The following GPM6A variants were observed in gnomAD, a reference collection of about 807,000 sequenced individuals.
GPM6A encodes neuronal membrane glycoprotein M6-a.
GPM6A carries 7 observed loss-of-function variants against 32.1 expected under a neutral mutation model. The ratio of observed to expected loss-of-function variants is 0.22; its 90% CI spans 0.12 to 0.41. GPM6A has a LOEUF of 0.41. Among genes scored for constraint, GPM6A ranks in the 10% least tolerant of loss-of-function variants. The pLI is 1.00. For missense variants in GPM6A, 235 were observed against 347.2 expected (o/e 0.68, Z 2.57); for synonymous variants, 130 against 123.4 (o/e 1.05, Z -0.35).
At chr4:175,999,597 T>C (rs1741412569) in intron 1 of GPM6A, among the ~76,000 whole-genome samples, 1 of 152,184 alleles carries the variant, frequency 6.6e-6, no homozygotes, top group Non-Finnish European at 1.5e-5. Context: ...GAATGTTTGA[T>C]TAACCAATTA....
chr4:175,805,303 C>A (rs545676657), intron 1 of GPM6A, among the ~76,000 whole-genome samples: 1 of 152,224 alleles, frequency 6.6e-6, no homozygotes, highest in Non-Finnish European at 1.5e-5. Flanking sequence ...ATAGGTAATT[C>A]ACCATTCAAA....
chr4:175,954,236 C>G (rs7688623), intron 1 of GPM6A, among the ~76,000 whole-genome samples: 1 of 151,984 alleles, frequency 6.6e-6, no homozygotes, highest in Non-Finnish European at 1.5e-5. Context: ...AATCCAGGTG[C>G]TCAACAGTCA....
rs552453155 is a variant in GPM6A, at chr4:175,742,407, A to G, written c.38-40640T>C. On this transcript the variant is annotated intron_variant, in intron 1 of 6. Transcript: ENST00000393658. ...ATAAGACTGAGATGCCACATACAGA[A>G]TAGAGCAATAATACATGGGCTTATC... Among the ~76,000 whole-genome samples the G allele has an allele frequency of 7.2e-5, 11 of 152,310 alleles. No individual in the cohort carries two copies. In the South Asian group the frequency reaches 2.3e-3, roughly 32 times the overall value.
intron 2 of GPM6A, among the ~76,000 whole-genome samples, chr4:175,684,828 T>G (rs1011765293): frequency 2.0e-5 from 3 of 152,138 alleles, no homozygotes; most frequent in Non-Finnish European, 4.4e-5. Flanking sequence ...TAGCTCTCCC[T>G]TCTTTGTATT....
At chr4:175,961,927 C>T (rs982484126) in intron 1 of GPM6A, 3 of 350,010 alleles carry the variant, frequency 8.6e-6, no homozygotes, top group African/African-American at 2.1e-5. Context: ...GTCCTAATTA[C>T]AGGACAGGAC....
rs921830454 is a variant in GPM6A at position 175,783,910 on chromosome 4, T to C, written c.37+28281A>G. On this transcript the variant is annotated intron_variant, in intron 1 of 6. Coordinates refer to ENST00000393658, the MANE Select transcript of GPM6A (RefSeq NM_201591.3). ...ACCAATTACAATGGTAGTATTAACA[T>C]ATGTCCACAAATTTTTTGATATCCC... 3.3e-5 allele frequency among the ~76,000 whole-genome samples: 5 copies of C among 152,174 alleles called. No individual in the cohort carries two copies. In the South Asian group the frequency reaches 8.3e-4, roughly 25 times the overall value.
chr4:175,741,597 A>T (rs74933347), intron 1 of GPM6A, among the ~76,000 whole-genome samples: 7,564 of 152,184 alleles, frequency 0.05, 587 homozygotes, highest in East Asian at 0.39. Flanking sequence ...TTTACCAAAT[A>T]AATAGGTTCT....
intron 1 of GPM6A, among the ~76,000 whole-genome samples, chr4:175,919,770 T>C (rs1323172268): frequency 6.6e-6 from 1 of 152,212 alleles, no homozygotes; most frequent in East Asian, 1.9e-4. Flanking sequence ...ATTGACCAAG[T>C]TATGGACAAG....
intron 1 of GPM6A, among the ~76,000 whole-genome samples, chr4:175,929,317 C>T (rs1425909614): frequency 1.3e-5 from 2 of 152,170 alleles, no homozygotes; most frequent in African/African-American, 4.8e-5. Flanking sequence ...GAAAACTAAG[C>T]CTCATAATGA....
At chr4:175,729,968 C>T (rs919298493) in intron 1 of GPM6A, among the ~76,000 whole-genome samples, 1 of 147,492 alleles carries the variant, frequency 6.8e-6, no homozygotes, top group African/African-American at 2.5e-5. Context: ...TATATAAAGT[C>T]AACTTCTCTC....
chr4:175,638,135 T>C (rs1740923812), intron 6 of GPM6A, among the ~76,000 whole-genome samples: 1 of 150,398 alleles, frequency 6.6e-6, no homozygotes, highest in African/African-American at 2.4e-5. Context: ...TGGAGTAGAG[T>C]AGAACAGAAT....
intron 1 of GPM6A, among the ~76,000 whole-genome samples, chr4:175,905,937 G>A (rs996971976): frequency 1.3e-5 from 2 of 152,114 alleles, no homozygotes; most frequent in Non-Finnish European, 2.9e-5. Flanking sequence ...AACAGCTGGT[G>A]TGGACCGCAT....
rs140989781 is a variant in GPM6A at position 175,819,347 on chromosome 4, T to C, written c.-22-7098A>G. ...CAAGTTGCATTTACTCAATGACTAC[T>C]AGGTATCTGAAGCTGAGCCAGGTGA... On this transcript the variant is annotated intron_variant, in intron 1 of 7. Coordinates refer to the GPM6A transcript ENST00000280187. Among the ~76,000 whole-genome samples, 554 of 152,332 alleles carry C rather than the reference T, an allele frequency of 3.6e-3. 5 individuals are homozygous for C. The highest frequency in any genetic ancestry group is 0.013 in the African/African-American group (537 of 41,582).
chr4:175,945,887 C>A (rs1333037675), intron 1 of GPM6A, among the ~76,000 whole-genome samples: 1 of 147,386 alleles, frequency 6.8e-6, no homozygotes, highest in Non-Finnish European at 1.5e-5. Flanking sequence ...AATACGGGTG[C>A]ATATTACGTA....
rs2111531102 is a variant in GPM6A, at chr4:175,924,104, G to A, written c.-23+78205C>T. Among the ~76,000 whole-genome samples the A allele has an allele frequency of 2.0e-5, 3 of 152,140 alleles. 1 individual carries two copies. In the Middle Eastern group the frequency reaches 0.01, roughly 517 times the overall value. On this transcript the variant is annotated intron_variant, in intron 1 of 7. Transcript: ENST00000280187. ...GGTAGCTCTCTACTTTCTACTTCCT[G>A]CTTCCTGTTTCTGACACGACCATAT...
intron 1 of GPM6A, among the ~76,000 whole-genome samples, chr4:175,888,029 T>C (rs968860431): frequency 6.6e-6 from 1 of 151,724 alleles, no homozygotes; most frequent in Admixed American, 6.6e-5. Flanking sequence ...AAGGACATCA[T>C]CAAAAAGAAA....
At chr4:175,992,742 A>C (rs1167874572) in intron 1 of GPM6A, among the ~76,000 whole-genome samples, 3 of 152,194 alleles carry the variant, frequency 2.0e-5, no homozygotes, top group African/African-American at 7.2e-5. Flanking sequence ...GAAGGTATAA[A>C]TAGTCTCTAT....
chr4:175,734,154 A>T (rs202043658), intron 1 of GPM6A, among the ~76,000 whole-genome samples: 927 of 82,796 alleles, frequency 0.011, 6 homozygotes, highest in East Asian at 0.094. Context: ...ATATATATAT[A>T]TATATATTTT....
In GPM6A at chr4:175,762,618, T is replaced by C. The variant is rs1246180039; in HGVS notation, c.37+49573A>G. ...TTCTAGACAGATAAAATATTATTCATGAATGTTATAAAAAGGCATTCGATT... is the reference window on the plus strand; with the variant it reads ...TTCTAGACAGATAAAATATTATTCACGAATGTTATAAAAAGGCATTCGATT... On this transcript the variant is annotated intron_variant, in intron 1 of 6. Transcript: ENST00000393658. Among the ~76,000 whole-genome samples, 5 of 152,194 alleles carry C rather than the reference T, an allele frequency of 3.3e-5. No individual in the cohort carries two copies. The South Asian group carries it at 1.0e-3, about 31-fold the overall frequency.
Sources: allele counts gnomAD v4.1 joint callset (sites outside exome capture counted in the v4.1 genomes callset), GRCh38; gene constraint gnomAD v4.1.1; transcripts MANE v1.5; gene names NCBI Gene and HGNC (gene_info 2026-07-23, HGNC 2026-07-21).